GABARAPL2: variants seen among roughly 807,000 people sequenced by gnomAD.
The protein encoded by GABARAPL2 is gamma-aminobutyric acid receptor-associated protein-like 2.
Under a neutral mutation model 16.9 loss-of-function variants are expected in GABARAPL2, and 11 were observed. The observed-to-expected ratio is 0.65, with a 90% CI of 0.41 to 1.08. The LOEUF is 1.08. GABARAPL2 is among the 50% of genes least tolerant of loss of function. The probability of loss-of-function intolerance (pLI) is 0.00; values close to 1 mark genes in which losing one functional copy is unlikely to be tolerated. For synonymous variants in GABARAPL2, 57 were observed against 50.7 expected (o/e 1.12, Z -0.53); for missense variants, 134 against 142.5 (o/e 0.94, Z 0.30).
intron 3 of GABARAPL2, among the ~76,000 whole-genome samples, chr16:75,571,174 G>C (rs1279461540): frequency 1.3e-5 from 2 of 152,106 alleles, no homozygotes; most frequent in Admixed American, 6.5e-5. Flanking sequence ...TGAACTCCTG[G>C]GCTTGAGAAG....
intron 3 of GABARAPL2, among the ~76,000 whole-genome samples, chr16:75,574,596 C>T (rs766118095): frequency 7.2e-5 from 11 of 152,074 alleles, no homozygotes; most frequent in Non-Finnish European, 1.5e-4. Flanking sequence ...TTGGGAGACT[C>T]AGCTACATGT....
intron 3 of GABARAPL2, chr16:75,576,104 T>G (rs1234395481): frequency 1.3e-5 from 2 of 152,070 alleles, no homozygotes; most frequent in African/African-American, 4.8e-5. Context: ...GGCTAAGAGG[T>G]CCTCACAGGG....
chr16:75,571,671 C>CT lies in GABARAPL2; in HGVS notation c.263+3477dup, dbSNP rs576323236. ...GGTAAATACCTCTTTAAGGACAGGACTTTTTTTTTTTTTTTGGAGACGGAG... is the reference window on the plus strand; with the variant it reads ...GGTAAATACCTCTTTAAGGACAGGACTTTTTTTTTTTTTTTTGGAGACGGAG... On this transcript the variant is annotated intron_variant, in intron 3 of 3. Transcript: ENST00000037243. Among the ~76,000 whole-genome samples the CT allele has an allele frequency of 2.0e-3, 281 of 139,446 alleles. 1 individual carries two copies. The highest frequency in any genetic ancestry group is 0.011 in the Middle Eastern group (3 of 262). The allele number at this position is 139,446 out of a possible 152,430, so 91.5% of individuals were successfully genotyped here.
intron 3 of GABARAPL2, chr16:75,575,638 G>A (rs1597061395): frequency 6.6e-6 from 1 of 152,262 alleles, no homozygotes; most frequent in Admixed American, 6.5e-5. Context: ...TTTTAGTAGA[G>A]ACGGGGTTTC....
At chr16:75,574,322 T>A (rs1040327641) in intron 3 of GABARAPL2, among the ~76,000 whole-genome samples, 2 of 152,188 alleles carry the variant, frequency 1.3e-5, no homozygotes, top group Non-Finnish European at 2.9e-5. Context: ...CAGAACTTAG[T>A]CTGTTTGGAA....
chr16:75,566,833 C>T lies in GABARAPL2; in HGVS notation c.35-19C>T, dbSNP rs1220968140. ...CGGTGGGCAGGCGCGGCCGTCAGCC[C>T]CGTTTGTTTCTCCCACAGAACACAG... is the stretch of plus-strand genomic sequence containing the variant. On this transcript the variant is annotated intron_variant, in intron 1 of 3. Coordinates refer to ENST00000037243, the MANE Select transcript of GABARAPL2 (RefSeq NM_007285.7). The T allele has an allele frequency of 6.2e-7, 1 of 1,611,328 alleles. No individual in the cohort carries two copies. Among genetic ancestry groups the T allele is most frequent in the South Asian group, 1.1e-5 (1 of 91,050 alleles).
intron 3 of GABARAPL2, among the ~76,000 whole-genome samples, chr16:75,573,730 C>T (rs956823304): frequency 6.6e-6 from 1 of 152,180 alleles, no homozygotes; most frequent in South Asian, 2.1e-4. Context: ...TAAGGAAGAT[C>T]TCTGCAGAAG....
At chr16:75,571,269 G>A (rs1043027360) in intron 3 of GABARAPL2, among the ~76,000 whole-genome samples, 5 of 152,120 alleles carry the variant, frequency 3.3e-5, no homozygotes, top group African/African-American at 1.2e-4. Context: ...GGGATTATGG[G>A]TGTTACCCAC....
chr16:75,567,371 C>T (rs2080890278), intron 2 of GABARAPL2, among the ~76,000 whole-genome samples: 1 of 152,192 alleles, frequency 6.6e-6, no homozygotes, highest in South Asian at 2.1e-4. Flanking sequence ...ATGTGAAAAG[C>T]CGCTGAAAAC....
At position 75,573,864 on chromosome 16, in the gene GABARAPL2, T is replaced by C. The variant is rs145966926; in HGVS notation, c.264-3415T>C. On this transcript the variant is annotated intron_variant, in intron 3 of 3. Transcript: ENST00000037243. Reference sequence around the variant, plus strand: ...TGAATTTAGAATCTCTGTGCCTCAGTTTTCCTATCTAGGAACTATGGATTA... The same window carrying C: ...TGAATTTAGAATCTCTGTGCCTCAGCTTTCCTATCTAGGAACTATGGATTA... Among the ~76,000 whole-genome samples, 515 of 152,316 alleles carry C rather than the reference T, an allele frequency of 3.4e-3. 4 individuals are homozygous for C. The highest frequency in any genetic ancestry group is 0.012 in the African/African-American group (493 of 41,564).
rs928334431 is a variant in GABARAPL2 at position 75,566,390 on chromosome 16, T to TCGCTGCCGCTGCCGCTGC, written c.-93_-76dup. On this transcript the variant is annotated 5_prime_UTR_variant, in exon 1 of 4. Transcript: ENST00000037243. ...CCCGCCTGCCGTGTAGTCGCCGCCG[T>TCGCTGCCGCTGCCGCTGC]CGCTGCCGCTGCCGCTGCCGCCGTC... 3.3e-6 allele frequency: 3 copies of TCGCTGCCGCTGCCGCTGC among 920,036 alleles called. No homozygotes were observed. Among genetic ancestry groups the TCGCTGCCGCTGCCGCTGC allele is most frequent in the Admixed American group, 2.1e-5 (1 of 47,058 alleles). The allele number at this position is 920,036 out of a possible 1,614,324, so 57.0% of individuals were successfully genotyped here.
In GABARAPL2 at chr16:75,574,778, T is replaced by C. The variant is rs186553829; in HGVS notation, c.264-2501T>C. ...GAATCATTTTTGGCATTTAAAAATA[T>C]ACTGATGAGGCCGGACACGGTGGCT... On this transcript the variant is annotated intron_variant, in intron 3 of 3. Transcript: ENST00000037243. Among the ~76,000 whole-genome samples, 6 of 34,508 alleles carry C rather than the reference T, an allele frequency of 1.7e-4. No homozygotes were observed. The East Asian group carries it at 0.027, about 156-fold the overall frequency. The allele number at this position is 34,508 out of a possible 152,430, so 22.6% of individuals were successfully genotyped here.
At chr16:75,567,717 TGGAGTAACG>T (rs2080892296) in intron 2 of GABARAPL2, among the ~76,000 whole-genome samples, 1 of 152,290 alleles carries the variant, frequency 6.6e-6, no homozygotes, top group South Asian at 2.1e-4. Context: ...TCTGGGGTCC[TGGAGTAACG>T]GGCCATGGAT....
At chr16:75,569,712 A>G (rs767733010) in intron 3 of GABARAPL2, among the ~76,000 whole-genome samples, 4 of 152,224 alleles carry the variant, frequency 2.6e-5, no homozygotes, top group Admixed American at 6.5e-5. Context: ...TGGAGACCTT[A>G]AGATTACTCA....
At position 75,574,084 on chromosome 16, in the gene GABARAPL2, G is replaced by A. The variant is rs139884007; in HGVS notation, c.264-3195G>A. On this transcript the variant is annotated intron_variant, in intron 3 of 3. Transcript: ENST00000037243. ...AGACAATGGAATCTAAAGCCAGAAA[G>A]GAATGAAAGCCACATGATTGTGGGC... 6.3e-3 allele frequency among the ~76,000 whole-genome samples: 966 copies of A among 152,318 alleles called. 12 individuals are homozygous for A. Among genetic ancestry groups the A allele is most frequent in the African/African-American group, 0.022 (897 of 41,568 alleles).
At chr16:75,573,653 A>C (rs758011755) in intron 3 of GABARAPL2, among the ~76,000 whole-genome samples, 7 of 152,268 alleles carry the variant, frequency 4.6e-5, no homozygotes, top group Non-Finnish European at 7.3e-5. Context: ...GACTGGCAGC[A>C]GTCGCCTTAC....
chr16:75,576,418 G>A (rs371143214), intron 3 of GABARAPL2: 6 of 152,330 alleles, frequency 3.9e-5, no homozygotes, highest in East Asian at 3.9e-4. Context: ...CTTGGTTTAT[G>A]AGTTCCCCTT....
chr16:75,568,340 C>T, intron 3 of GABARAPL2, 131 bp downstream of exon 3: 1 of 592,784 alleles, frequency 1.7e-6, no homozygotes, highest in Non-Finnish European at 3.1e-6. Flanking sequence ...TGCTCCCTGA[C>T]ATCAGGGGCT....
chr16:75,569,542 A>G (rs2080903106), intron 3 of GABARAPL2, among the ~76,000 whole-genome samples: 2 of 152,176 alleles, frequency 1.3e-5, no homozygotes, highest in Admixed American at 6.5e-5. Flanking sequence ...TTCTTTCATA[A>G]CATCTGCAAC....
Sources: gnomAD v4.1 joint callset for allele counts (sites outside exome capture counted in the v4.1 genomes callset) on GRCh38, gnomAD v4.1.1 for gene constraint, MANE v1.5 for transcripts, NCBI Gene and HGNC (gene_info 2026-07-23, HGNC 2026-07-21) for gene names.